Variants in FBN1 observed in about 807,000 individuals in gnomAD.
FBN1 encodes the protein fibrillin 1.
Under a neutral mutation model 365.1 loss-of-function variants are expected in FBN1, and 29 were observed. The ratio of observed to expected loss-of-function variants is 0.08; its 90% confidence interval spans 0.06 to 0.11. The LOEUF is 0.11. Ranked by LOEUF, FBN1 falls within the 10% of genes least tolerant of loss-of-function variation. The pLI is 1.00. For missense variants in FBN1, 2,476 were observed against 3,703.2 expected (o/e 0.67, Z 8.60); for synonymous variants, 1,210 against 1,270.5 (o/e 0.95, Z 1.01).
chr15:48,595,813 G>A (rs973332859), intron 6 of FBN1, among the ~76,000 whole-genome samples: 3 of 152,104 alleles, frequency 2.0e-5, no homozygotes, highest in African/African-American at 7.2e-5. Context: ...TATATCTATG[G>A]TGAGTGTTGA....
At chr15:48,554,719 T>C (rs942293820) in intron 6 of FBN1, among the ~76,000 whole-genome samples, 2 of 152,124 alleles carry the variant, frequency 1.3e-5, no homozygotes, top group African/African-American at 4.8e-5. Context: ...TGAAAAAGTA[T>C]GACAAATAGA....
intron 6 of FBN1, among the ~76,000 whole-genome samples, chr15:48,545,839 C>G (rs1024301313): frequency 6.6e-6 from 1 of 152,000 alleles, no homozygotes; most frequent in Non-Finnish European, 1.5e-5. Flanking sequence ...TTAGGCAACA[C>G]AGCAAAACCC....
intron 9 of FBN1, among the ~76,000 whole-genome samples, chr15:48,524,729 T>C (rs954948029): frequency 7.2e-5 from 11 of 152,132 alleles, no homozygotes; most frequent in African/African-American, 2.7e-4. Context: ...CTTAAACTAT[T>C]GGGCCATTAT....
At chr15:48,552,248 G>T (rs2044147834) in intron 6 of FBN1, among the ~76,000 whole-genome samples, 1 of 151,380 alleles carries the variant, frequency 6.6e-6, no homozygotes, top group Admixed American at 6.6e-5. Flanking sequence ...AAAGAAAGAA[G>T]AACCTCAGTT....
chr15:48,456,536 G>A, intron 44 of FBN1, 101 bp downstream of exon 44: 2 of 1,147,778 alleles, frequency 1.7e-6, no homozygotes, highest in Non-Finnish European at 2.6e-6. Context: ...AGAGCTTAAT[G>A]CATTTCTGAA....
intron 53 of FBN1, among the ~76,000 whole-genome samples, chr15:48,435,713 T>G: frequency 7.1e-6 from 1 of 140,080 alleles, no homozygotes; most frequent in Non-Finnish European, 1.6e-5. Flanking sequence ...TATATATATG[T>G]GTGTATATAT....
chr15:48,596,170 C>G, intron 6 of FBN1, 113 bp downstream of exon 6: 1 of 970,512 alleles, frequency 1.0e-6, no homozygotes, highest in South Asian at 1.3e-5. Flanking sequence ...GAGAAATCCC[C>G]TCAAAGCTCA....
chr15:48,497,869 T>C (rs2043621323), intron 18 of FBN1, among the ~76,000 whole-genome samples: 2 of 152,238 alleles, frequency 1.3e-5, no homozygotes, highest in Admixed American at 6.5e-5. Flanking sequence ...ATCCTCAAGA[T>C]AAAACTAAAA....
chr15:48,421,200 A>G (rs942216141), intron 62 of FBN1, among the ~76,000 whole-genome samples: 1 of 152,172 alleles, frequency 6.6e-6, no homozygotes, highest in African/African-American at 2.4e-5. Context: ...GCTATTCCTC[A>G]TATGTTTAGT....
chr15:48,501,285 T>G (rs1261246659), intron 17 of FBN1, among the ~76,000 whole-genome samples: 1 of 152,188 alleles, frequency 6.6e-6, no homozygotes, highest in African/African-American at 2.4e-5. Context: ...AATGTCATTA[T>G]TATGGGAGTG....
At chr15:48,463,871 T>TGCA in intron 41 of FBN1, 28 bp downstream of exon 41, 1 of 1,591,588 alleles carries the variant, frequency 6.3e-7, no homozygotes, top group Non-Finnish European at 8.6e-7. Flanking sequence ...GAACCAAACA[T>TGCA]GCATTACTGA....
At chr15:48,617,364 G>A (rs989850113) in intron 2 of FBN1, among the ~76,000 whole-genome samples, 6 of 151,816 alleles carry the variant, frequency 4.0e-5, no homozygotes, top group African/African-American at 1.5e-4. Flanking sequence ...TAGTAGAGAC[G>A]GGGTTTCACC....
chr15:48,471,071 C>A (rs12907167), intron 35 of FBN1, among the ~76,000 whole-genome samples: 1 of 151,710 alleles, frequency 6.6e-6, no homozygotes, highest in Non-Finnish European at 1.5e-5. Flanking sequence ...AGCCACCTTA[C>A]GCTAAATTCG....
chr15:48,461,790 T>C (rs2043281883), intron 42 of FBN1, among the ~76,000 whole-genome samples: 1 of 152,176 alleles, frequency 6.6e-6, no homozygotes, highest in Non-Finnish European at 1.5e-5. Flanking sequence ...TAGTAGACAA[T>C]ATGGAAATAA....
chr15:48,456,679 G>A lies in FBN1; in HGVS notation c.5380C>T (p.Pro1794Ser), dbSNP rs773214940. 3.7e-6 allele frequency: 6 copies of A among 1,613,840 alleles called. No homozygotes were observed. The highest frequency in any genetic ancestry group is 5.1e-6 in the Non-Finnish European group (6 of 1,179,882). Residue 1794 changes from proline to serine, a missense_variant, in exon 44 of 66, where the codon CCA (proline) becomes TCA (serine). Physicochemically the swap from Pro to Ser is moderately conservative, Grantham distance 74 (BLOSUM62 -1). Around this residue, in one of 5 missense-constraint regions of FBN1, gnomAD observed 1,780 missense variants for 2,840.8 expected, o/e 0.63. Coordinates refer to ENST00000316623, the MANE Select transcript of FBN1 (RefSeq NM_000138.5). ...NMVGSFRCEC[P>S]VGFFYNDKLL... ...TTGTCATTATAGAAGAATCCCACTG[G>A]ACATTCACATCGGAAGCTGCCAACC... is the stretch of plus-strand genomic sequence containing the variant.
intron 63 of FBN1, among the ~76,000 whole-genome samples, chr15:48,420,313 A>G (rs1049392441): frequency 2.0e-5 from 3 of 152,216 alleles, no homozygotes; most frequent in South Asian, 2.1e-4. Flanking sequence ...TCAGGCCAAA[A>G]GCCACTCAAA....
intron 24 of FBN1, among the ~76,000 whole-genome samples, chr15:48,491,227 C>T (rs945531604): frequency 1.3e-5 from 2 of 152,176 alleles, no homozygotes; most frequent in African/African-American, 2.4e-5. Flanking sequence ...TTTGAATTCC[C>T]GGTTCCATTC....
intron 6 of FBN1, among the ~76,000 whole-genome samples, chr15:48,568,193 C>A (rs1002928439): frequency 1.5e-5 from 2 of 130,256 alleles, no homozygotes; most frequent in Non-Finnish European, 1.6e-5. Flanking sequence ...CATCAGTATA[C>A]AAAGAGCAGT....
intron 6 of FBN1, among the ~76,000 whole-genome samples, chr15:48,575,432 T>C (rs1190979284): frequency 6.6e-6 from 1 of 152,200 alleles, no homozygotes; most frequent in Non-Finnish European, 1.5e-5. Flanking sequence ...TGGCTTTTAC[T>C]GTACCCATTA....
Sources: allele counts gnomAD v4.1 joint callset (sites outside exome capture counted in the v4.1 genomes callset), GRCh38; gene constraint gnomAD v4.1.1; regional missense constraint gnomAD v4.1.1; transcripts MANE v1.5; gene names NCBI Gene and HGNC (gene_info 2026-07-23, HGNC 2026-07-21).